Variants in GALNTL6 observed in about 807,000 individuals in gnomAD.
GALNTL6 encodes the protein polypeptide N-acetylgalactosaminyltransferase like 6.
GALNTL6 carries 46 observed loss-of-function variants against 73.7 expected under a neutral mutation model. The ratio of observed to expected loss-of-function variants is 0.62; its 90% CI spans 0.49 to 0.80. GALNTL6 has a LOEUF of 0.80. GALNTL6 is among the 30% of genes least tolerant of loss of function. The pLI is 0.00. For missense variants in GALNTL6, 604 were observed against 755.0 expected, an observed-to-expected ratio of 0.80 and a Z score of 2.34; for synonymous variants, 259 against 263.7, an observed-to-expected ratio of 0.98 and a Z score of 0.17.
chr4:172,974,061 A>G (rs28380538), intron 10 of GALNTL6, among the ~76,000 whole-genome samples: 18,194 of 152,214 alleles, frequency 0.12, 1,143 homozygotes, highest in Non-Finnish European at 0.15. Flanking sequence ...AAGTATACAC[A>G]TGCTTTTTGG....
chr4:172,139,401 T>G (rs1395839037), intron 2 of GALNTL6, among the ~76,000 whole-genome samples: 1 of 152,202 alleles, frequency 6.6e-6, no homozygotes, highest in African/African-American at 2.4e-5. Context: ...ACCTAGATGT[T>G]TACACAATTC....
intron 5 of GALNTL6, among the ~76,000 whole-genome samples, chr4:172,397,810 C>T (rs886093570): frequency 6.6e-6 from 1 of 152,074 alleles, no homozygotes; most frequent in Admixed American, 6.5e-5. Context: ...ATCTCTTGAC[C>T]TTGTGATCCT....
Position 173,041,203 on chromosome 4 carries a change from G to A in GALNTL6, c.*1103G>A, listed in dbSNP as rs1018256472. 1 of 145,052 alleles carries A rather than the reference G, an allele frequency of 6.9e-6. No individual in the cohort carries two copies. The highest frequency in any genetic ancestry group is 2.0e-4 in the East Asian group (1 of 5,008). The allele number at this position is 145,052 out of a possible 1,614,324, so 9.0% of individuals were successfully genotyped here. ...TGCTTTTGTTTTTTATTTTTTTCTT[G>A]TTTTTTTTTTGTAGTGTTGAATTAA... On this transcript the variant is annotated 3_prime_UTR_variant, in exon 13 of 13. Transcript: ENST00000506823.
At chr4:171,994,114 A>G (rs1431623073) in intron 2 of GALNTL6, among the ~76,000 whole-genome samples, 1 of 151,928 alleles carries the variant, frequency 6.6e-6, no homozygotes, top group Non-Finnish European at 1.5e-5. Flanking sequence ...TGTTTTTCTC[A>G]ATTAATTTTT....
chr4:172,881,426 G>A (rs1344269263), intron 7 of GALNTL6, among the ~76,000 whole-genome samples: 1 of 152,160 alleles, frequency 6.6e-6, no homozygotes, highest in Non-Finnish European at 1.5e-5. Context: ...TCCCAGTCTT[G>A]TAATCTCTTC....
At chr4:172,215,720 C>A (rs1736474131) in intron 2 of GALNTL6, among the ~76,000 whole-genome samples, 1 of 152,096 alleles carries the variant, frequency 6.6e-6, no homozygotes, top group Non-Finnish European at 1.5e-5. Flanking sequence ...ATTTAAAGTG[C>A]TATTAATATG....
At chr4:172,637,998 T>C (rs958330398) in intron 5 of GALNTL6, among the ~76,000 whole-genome samples, 1 of 152,112 alleles carries the variant, frequency 6.6e-6, no homozygotes, top group Non-Finnish European at 1.5e-5. Flanking sequence ...CCTTATATCC[T>C]AAAATTAGTC....
chr4:172,968,791 A>G (rs1750444598), intron 10 of GALNTL6, among the ~76,000 whole-genome samples: 1 of 152,204 alleles, frequency 6.6e-6, no homozygotes, highest in Non-Finnish European at 1.5e-5. Flanking sequence ...CATTTTTTTA[A>G]TACTTCACAG....
chr4:172,270,671 A>G (rs923110583), intron 3 of GALNTL6, among the ~76,000 whole-genome samples: 5 of 152,106 alleles, frequency 3.3e-5, no homozygotes, highest in African/African-American at 1.2e-4. Flanking sequence ...ATCCTGCCAA[A>G]GACAGTTAAA....
At chr4:172,520,583 A>G (rs1176242854) in intron 5 of GALNTL6, among the ~76,000 whole-genome samples, 2 of 151,576 alleles carry the variant, frequency 1.3e-5, no homozygotes, top group East Asian at 1.9e-4. Flanking sequence ...TTGAATACCT[A>G]TAGAAAGTTG....
At chr4:172,594,514 C>T (rs1560826446) in intron 5 of GALNTL6, among the ~76,000 whole-genome samples, 1 of 151,902 alleles carries the variant, frequency 6.6e-6, no homozygotes, top group Non-Finnish European at 1.5e-5. Context: ...AATTCCTTTC[C>T]TTTGGCTCAA....
At chr4:172,218,617 C>A (rs1393292044) in intron 2 of GALNTL6, among the ~76,000 whole-genome samples, 2 of 152,064 alleles carry the variant, frequency 1.3e-5, no homozygotes, top group Non-Finnish European at 2.9e-5. Context: ...TGTGAAATCT[C>A]AGTTTTCTAA....
chr4:172,552,837 T>TAAAAAAAAAAAAAA lies in GALNTL6; in HGVS notation c.553+204155_553+204168dup, dbSNP rs397933315. ...TAGGCTGGTGCAAAAGTAATTGCAG[T>TAAAAAAAAAAAAAA]AAAAAAAAAAAAAAAAAAAAGGTAA... On this transcript the variant is annotated intron_variant, in intron 5 of 12. Transcript: ENST00000506823. Among the ~76,000 whole-genome samples, 71 of 80,368 alleles carry TAAAAAAAAAAAAAA rather than the reference T, an allele frequency of 8.8e-4. 1 individual carries two copies. The highest frequency in any genetic ancestry group is 1.7e-3 in the East Asian group (4 of 2,304). 52.7% of individuals were successfully genotyped at this position (80,368 alleles called of 152,430 possible).
intron 2 of GALNTL6, among the ~76,000 whole-genome samples, chr4:172,159,610 T>C (rs140024047): frequency 2.0e-5 from 3 of 152,208 alleles, no homozygotes; most frequent in Non-Finnish European, 2.9e-5. Flanking sequence ...CTTTCCCATA[T>C]TGAAGGAACT....
intron 5 of GALNTL6, among the ~76,000 whole-genome samples, chr4:172,551,726 T>C (rs1280619335): frequency 6.6e-6 from 1 of 152,146 alleles, no homozygotes; most frequent in Non-Finnish European, 1.5e-5. Flanking sequence ...CAACATAAAC[T>C]AGCTTCTGCT....
chr4:171,824,077 T>TTTTATATA (rs1301842709), intron 2 of GALNTL6, among the ~76,000 whole-genome samples: 1,784 of 128,984 alleles, frequency 0.014, 13 homozygotes, highest in Non-Finnish European at 0.022. Context: ...CAAATCCATT[T>TTTTATATA]TATATATATA....
chr4:171,828,391 G>A (rs76559729), intron 2 of GALNTL6, among the ~76,000 whole-genome samples: 2,345 of 152,126 alleles, frequency 0.015, 63 homozygotes, highest in African/African-American at 0.053. Context: ...TAGCACCATG[G>A]GACCCAAATT....
At chr4:172,551,919 G>A (rs1735969450) in intron 5 of GALNTL6, among the ~76,000 whole-genome samples, 1 of 152,062 alleles carries the variant, frequency 6.6e-6, no homozygotes, top group Non-Finnish European at 1.5e-5. Flanking sequence ...AAAAATTCAA[G>A]TGTGCAAGAG....
intron 2 of GALNTL6, among the ~76,000 whole-genome samples, chr4:172,194,786 C>A (rs1735699381): frequency 6.6e-6 from 1 of 152,106 alleles, no homozygotes; most frequent in East Asian, 1.9e-4. Context: ...TTCAAGAGCT[C>A]CTGAAGGAAG....
Sources: gnomAD v4.1 joint callset for allele counts (sites outside exome capture counted in the v4.1 genomes callset) on GRCh38, gnomAD v4.1.1 for gene constraint, MANE v1.5 for transcripts, NCBI Gene and HGNC (gene_info 2026-07-23, HGNC 2026-07-21) for gene names.